The following DISP1 variants were observed in gnomAD, a reference collection of about 807,000 sequenced individuals.
DISP1 encodes the protein protein dispatched homolog 1.
DISP1 carries 30 observed loss-of-function variants against 37.3 expected under a neutral mutation model. That is an observed-to-expected ratio of 0.80 (90% CI 0.60 to 1.09). The LOEUF (loss-of-function observed/expected upper bound fraction) is 1.09, where lower values mean the gene tolerates loss of function less well. Among genes scored for constraint, DISP1 ranks in the 50% least tolerant of loss-of-function variants. The pLI, the probability that DISP1 is intolerant of heterozygous loss-of-function variation, is 0.00. For synonymous variants in DISP1, 634 were observed against 690.2 expected (o/e 0.92, Z 1.28); for missense variants, 1,598 against 1,879.5 (o/e 0.85, Z 2.77).
intron 1 of DISP1, among the ~76,000 whole-genome samples, chr1:222,896,032 A>G (rs1306368761): frequency 6.6e-6 from 1 of 152,224 alleles, no homozygotes; most frequent in East Asian, 1.9e-4. Context: ...CGAGGCTACA[A>G]GGTGCAGTGG....
At chr1:223,001,857 A>G (rs1295771352) in intron 8 of DISP1, among the ~76,000 whole-genome samples, 1 of 152,224 alleles carries the variant, frequency 6.6e-6, no homozygotes, top group African/African-American at 2.4e-5. Context: ...GCAGTTCTCT[A>G]GGGAATATCA....
intron 1 of DISP1, among the ~76,000 whole-genome samples, chr1:222,840,098 GAAAAT>G (rs919401011): frequency 3.9e-5 from 6 of 152,118 alleles, no homozygotes; most frequent in Non-Finnish European, 7.4e-5. Flanking sequence ...AAACTGTACT[GAAAAT>G]AAAAACCAGA....
intron 3 of DISP1, among the ~76,000 whole-genome samples, chr1:222,956,597 G>A (rs913670224): frequency 3.3e-5 from 5 of 151,916 alleles, no homozygotes; most frequent in Admixed American, 3.3e-4. Context: ...CTAATGCATA[G>A]GGTGAAACTC....
chr1:222,865,707 G>A (rs1669145875), intron 1 of DISP1, among the ~76,000 whole-genome samples: 1 of 152,098 alleles, frequency 6.6e-6, no homozygotes, highest in Admixed American at 6.5e-5. Context: ...TCATATCATA[G>A]ATTCCCTGTT....
At chr1:222,877,845 T>G (rs1046904787) in intron 1 of DISP1, among the ~76,000 whole-genome samples, 1 of 152,138 alleles carries the variant, frequency 6.6e-6, no homozygotes, top group African/African-American at 2.4e-5. Context: ...GAGCAGGAAC[T>G]CGGTGAAGAA....
chr1:222,851,061 ATTTTTTTT>A (rs971721526), intron 1 of DISP1, among the ~76,000 whole-genome samples: 1 of 127,362 alleles, frequency 7.9e-6, no homozygotes, highest in Non-Finnish European at 1.7e-5. Context: ...TGCATTTTTA[ATTTTTTTT>A]TTTTTTTTTT....
At chr1:222,984,435 T>TATATATATATATATATAGAG (rs67660273) in intron 4 of DISP1, among the ~76,000 whole-genome samples, 85 of 108,362 alleles carry the variant, frequency 7.8e-4, no homozygotes, top group South Asian at 2.3e-3. Context: ...TATATATATA[T>TATATATATATATATATAGAG]AGAGAGAGAG....
intron 1 of DISP1, among the ~76,000 whole-genome samples, chr1:222,894,805 C>T (rs144922839): frequency 0.011 from 1,740 of 152,360 alleles, 34 homozygotes; most frequent in African/African-American, 0.04. Flanking sequence ...GCCGGCGACG[C>T]TGCAGCGGCT....
At chr1:222,999,123 C>A (rs549916008) in intron 8 of DISP1, among the ~76,000 whole-genome samples, 1 of 152,192 alleles carries the variant, frequency 6.6e-6, no homozygotes, top group South Asian at 2.1e-4. Flanking sequence ...CTTTTTCTCT[C>A]TTCTCTTACT....
chr1:222,934,565 G>A (rs1673600370), intron 2 of DISP1, among the ~76,000 whole-genome samples: 1 of 152,082 alleles, frequency 6.6e-6, no homozygotes, highest in African/African-American at 2.4e-5. Context: ...TTTAGGATAA[G>A]CAGGAAGCAA....
intron 2 of DISP1, among the ~76,000 whole-genome samples, chr1:222,929,704 T>A (rs1673280185): frequency 6.6e-6 from 1 of 152,126 alleles, no homozygotes; most frequent in African/African-American, 2.4e-5. Flanking sequence ...CCCATGGTTT[T>A]AATATCTGGC....
chr1:222,987,719 C>G (rs545188565), intron 4 of DISP1, among the ~76,000 whole-genome samples: 66 of 152,326 alleles, frequency 4.3e-4, no homozygotes, highest in African/African-American at 1.5e-3. Context: ...TTGGGGCCTA[C>G]TGCCCTCTAT....
chr1:222,851,907 A>G (rs867064129), intron 1 of DISP1, among the ~76,000 whole-genome samples: 1 of 152,126 alleles, frequency 6.6e-6, no homozygotes, highest in Non-Finnish European at 1.5e-5. Flanking sequence ...GCTAGAGGCC[A>G]GGCACAGTGG....
chr1:222,987,577 T>C (rs1266575073), intron 4 of DISP1, among the ~76,000 whole-genome samples: 1 of 152,160 alleles, frequency 6.6e-6, no homozygotes, highest in East Asian at 1.9e-4. Context: ...AAACCAAATG[T>C]TTTCAAAGGG....
In DISP1 at chr1:223,004,868, C is replaced by G. The variant is rs768862411; in HGVS notation, c.3471C>G (p.Ala1157=). The change falls in exon 9 of 9, where the codon GCC becomes GCG. Residue 1157 remains alanine (A), a synonymous_variant. Coordinates refer to ENST00000675850, the MANE Select transcript of DISP1 (RefSeq NM_001377229.1). The surrounding 1 kb of genome is among the most constrained non-coding windows in gnomAD (Gnocchi z 4.9). ...KKLQCSAFSH[A]LSTSPSDKGQ... ...TACAGTGCAGTGCCTTTTCCCATGC[C>G]TTGTCTACAAGTCCCAGTGACAAGG... 4.4e-6 allele frequency: 7 copies of G among 1,608,928 alleles called. No individual in the cohort carries two copies. In the East Asian group the frequency reaches 1.6e-4, roughly 36 times the overall value.
intron 3 of DISP1, among the ~76,000 whole-genome samples, chr1:222,973,754 C>T (rs1051076589): frequency 1.3e-5 from 2 of 152,152 alleles, no homozygotes; most frequent in African/African-American, 4.8e-5. Context: ...CCCATTTCTG[C>T]GTTCCTTTTC....
intron 3 of DISP1, among the ~76,000 whole-genome samples, chr1:222,966,228 C>G (rs759511589): frequency 1.3e-5 from 2 of 152,058 alleles, no homozygotes; most frequent in Non-Finnish European, 2.9e-5. Flanking sequence ...GGAACTCAAA[C>G]TTGGAAAGAA....
At chr1:222,823,259 G>A (rs142963429) in intron 1 of DISP1, among the ~76,000 whole-genome samples, 1 of 152,068 alleles carries the variant, frequency 6.6e-6, no homozygotes, top group African/African-American at 2.4e-5. Flanking sequence ...GTTGACAACA[G>A]CAAAGATACG....
intron 3 of DISP1, among the ~76,000 whole-genome samples, chr1:222,964,456 C>A (rs1676315790): frequency 1.3e-5 from 2 of 152,106 alleles, no homozygotes; most frequent in Non-Finnish European, 2.9e-5. Context: ...TGTTTTCTTG[C>A]TATAACTTTT....
Sources: gnomAD v4.1 joint callset for allele counts (sites outside exome capture counted in the v4.1 genomes callset) on GRCh38, gnomAD v4.1.1 for gene constraint, Gnocchi (gnomAD v3.1) non-coding constraint, MANE v1.5 for transcripts, NCBI Gene and HGNC (gene_info 2026-07-23, HGNC 2026-07-21) for gene names.